Variants in SLC24A3 observed in about 807,000 individuals in gnomAD.
SLC24A3 encodes the protein solute carrier family 24 member 3.
SLC24A3 carries 28 observed loss-of-function variants against 75.8 expected under a neutral mutation model. The ratio of observed to expected loss-of-function variants is 0.37; its 90% CI spans 0.27 to 0.51. The LOEUF is 0.51. Ranked by LOEUF, SLC24A3 falls within the 20% of genes least tolerant of loss-of-function variation. SLC24A3 has a pLI of 0.94. For missense variants in SLC24A3, 663 were observed against 847.8 expected, an observed-to-expected ratio of 0.78 and a Z score of 2.71; for synonymous variants, 372 against 334.1, an observed-to-expected ratio of 1.11 and a Z score of -1.24.
At chr20:19,450,026 G>A (rs1987454199) in intron 2 of SLC24A3, among the ~76,000 whole-genome samples, 1 of 152,128 alleles carries the variant, frequency 6.6e-6, no homozygotes, top group South Asian at 2.1e-4. Context: ...TGACAGTCTG[G>A]GGAGAGAGAA....
At chr20:19,585,352 C>A (rs2031279747) in intron 5 of SLC24A3, 89 bp from the exon 6 acceptor site, 2 of 1,230,210 alleles carry the variant, frequency 1.6e-6, no homozygotes, top group Non-Finnish European at 2.3e-6. Flanking sequence ...ATTCTGAGAA[C>A]AATCTAATGC....
At chr20:19,571,676 G>A (rs565449338) in intron 3 of SLC24A3, among the ~76,000 whole-genome samples, 179 of 152,226 alleles carry the variant, frequency 1.2e-3, no homozygotes, top group Non-Finnish European at 2.0e-3. Flanking sequence ...TAATGGTGCA[G>A]GTACATTCAC....
At chr20:19,575,760 T>A (rs1223357662) in intron 3 of SLC24A3, among the ~76,000 whole-genome samples, 1 of 152,214 alleles carries the variant, frequency 6.6e-6, no homozygotes, top group Non-Finnish European at 1.5e-5. Flanking sequence ...ACCTGTCTCA[T>A]ATTTTGTAGT....
intron 3 of SLC24A3, among the ~76,000 whole-genome samples, chr20:19,569,267 G>T (rs2031011109): frequency 6.6e-6 from 1 of 152,126 alleles, no homozygotes; most frequent in Admixed American, 6.5e-5. Flanking sequence ...CTGATGCTTT[G>T]CACGTACTTG....
chr20:19,299,442 G>T (rs1425179018), intron 2 of SLC24A3, among the ~76,000 whole-genome samples: 1 of 152,046 alleles, frequency 6.6e-6, no homozygotes, highest in Non-Finnish European at 1.5e-5. Context: ...CCGTCCATGT[G>T]TCAGACTTCT....
At chr20:19,485,938 T>A (rs974438626) in intron 2 of SLC24A3, among the ~76,000 whole-genome samples, 7 of 152,208 alleles carry the variant, frequency 4.6e-5, no homozygotes, top group Non-Finnish European at 1.0e-4. Flanking sequence ...GCCCAGGTGG[T>A]CCATTGAGGG....
At position 19,425,071 on chromosome 20, in the gene SLC24A3, G is replaced by A. The variant is rs1415591949; in HGVS notation, c.272-90417G>A. Among the ~76,000 whole-genome samples, 4 of 152,230 alleles carry A rather than the reference G, an allele frequency of 2.6e-5. No homozygotes were observed. In the East Asian group the frequency reaches 5.8e-4, roughly 22 times the overall value. ...TGTAATCCCAGCACTTTGGGAGGCC[G>A]AGGTGGGCAGATCACGAGTTCAGGA... On this transcript the variant is annotated intron_variant, in intron 2 of 16. Coordinates refer to ENST00000328041, the MANE Select transcript of SLC24A3 (RefSeq NM_020689.4).
chr20:19,678,873 G>T (rs2032571610), intron 9 of SLC24A3, among the ~76,000 whole-genome samples: 1 of 151,822 alleles, frequency 6.6e-6, no homozygotes, highest in Admixed American at 6.6e-5. Context: ...CGGGGTCGCG[G>T]CCGGGCAGAG....
In SLC24A3 at chr20:19,212,839, G is replaced by A; in HGVS notation, c.-4G>A. On this transcript the variant is annotated 5_prime_UTR_variant, in exon 1 of 17. Transcript: ENST00000328041. ...CGCCGAGGCCGCCGCCCGGCCGCCCGAGGATGCGGCCGTCCGGCGACGAGG... is the reference window on the plus strand; with the variant it reads ...CGCCGAGGCCGCCGCCCGGCCGCCCAAGGATGCGGCCGTCCGGCGACGAGG... 9.6e-7 allele frequency: 1 copy of A among 1,040,880 alleles called. No homozygotes were observed. The highest frequency in any genetic ancestry group is 1.2e-6 in the Non-Finnish European group (1 of 866,832). 64.5% of individuals were successfully genotyped at this position (1,040,880 alleles called of 1,614,324 possible). A position where few individuals can be genotyped will look rare whatever the true frequency, so the allele number is the denominator to read the frequency against.
At chr20:19,637,958 CT>C (rs752668600) in intron 6 of SLC24A3, among the ~76,000 whole-genome samples, 1 of 151,918 alleles carries the variant, frequency 6.6e-6, no homozygotes, top group African/African-American at 2.4e-5. Context: ...CTTCATTTTT[CT>C]TTTTTTTAAA....
chr20:19,329,634 T>A (rs1253389684), intron 2 of SLC24A3, among the ~76,000 whole-genome samples: 1 of 152,256 alleles, frequency 6.6e-6, no homozygotes, highest in Non-Finnish European at 1.5e-5. Flanking sequence ...ATTTGTTGCC[T>A]AGTTTGCAGG....
intron 2 of SLC24A3, among the ~76,000 whole-genome samples, chr20:19,348,139 C>T (rs993383287): frequency 7.9e-5 from 12 of 152,190 alleles, no homozygotes; most frequent in Non-Finnish European, 1.3e-4. Context: ...GATGTCTGTT[C>T]GGGTTCTGCT....
At chr20:19,671,070 A>G (rs2032460566) in intron 8 of SLC24A3, among the ~76,000 whole-genome samples, 1 of 152,242 alleles carries the variant, frequency 6.6e-6, no homozygotes, top group African/African-American at 2.4e-5. Context: ...AGAGGTTTGA[A>G]GAACATAAAC....
rs556246036 is a variant in SLC24A3, at chr20:19,466,169, A to G, written c.272-49319A>G. On this transcript the variant is annotated intron_variant, in intron 2 of 16. Transcript: ENST00000328041. ...TGGCTTTTCTTGAATGTAGGAGTCT[A>G]AATAATAAATCTGAATAGAATTTCT... Among the ~76,000 whole-genome samples, 11 of 152,362 alleles carry G rather than the reference A, an allele frequency of 7.2e-5. No individual in the cohort carries two copies. The South Asian group carries it at 2.3e-3, about 32-fold the overall frequency.
chr20:19,487,824 A>G (rs943634821), intron 2 of SLC24A3, among the ~76,000 whole-genome samples: 3 of 152,212 alleles, frequency 2.0e-5, no homozygotes, highest in Non-Finnish European at 2.9e-5. Flanking sequence ...TGCCACTTTG[A>G]GGTCATGAAG....
At chr20:19,388,030 G>A (rs1244446994) in intron 2 of SLC24A3, among the ~76,000 whole-genome samples, 1 of 152,118 alleles carries the variant, frequency 6.6e-6, no homozygotes, top group Non-Finnish European at 1.5e-5. Flanking sequence ...GGTATGCAAT[G>A]CATAATAATC....
At chr20:19,225,358 T>C (rs1490753163) in intron 1 of SLC24A3, among the ~76,000 whole-genome samples, 1 of 152,178 alleles carries the variant, frequency 6.6e-6, no homozygotes, top group Admixed American at 6.5e-5. Context: ...CAGGTGTTTG[T>C]TGGGCCATGT....
intron 15 of SLC24A3, among the ~76,000 whole-genome samples, chr20:19,710,200 G>A (rs2032973726): frequency 6.6e-6 from 1 of 152,170 alleles, no homozygotes; most frequent in Non-Finnish European, 1.5e-5. Context: ...GGAATTTGTT[G>A]GTTGGGTCAA....
chr20:19,562,176 G>A (rs1033526067), intron 3 of SLC24A3, among the ~76,000 whole-genome samples: 5 of 152,126 alleles, frequency 3.3e-5, no homozygotes, highest in African/African-American at 9.7e-5. Flanking sequence ...TTAAATTTTA[G>A]CTCTCTGCTT....
Sources: allele counts gnomAD v4.1 joint callset (sites outside exome capture counted in the v4.1 genomes callset), GRCh38; gene constraint gnomAD v4.1.1; transcripts MANE v1.5; gene names NCBI Gene and HGNC (gene_info 2026-07-23, HGNC 2026-07-21).